The following ALMS1 variants were observed in gnomAD, a reference collection of about 807,000 sequenced individuals.
ALMS1 encodes the protein centrosome-associated protein ALMS1.
Under a neutral mutation model 352.2 loss-of-function variants are expected in ALMS1, and 271 were observed. The observed-to-expected ratio is 0.77, with a 90% CI of 0.70 to 0.85. ALMS1 has a LOEUF of 0.85. Ranked by LOEUF, ALMS1 falls within the 40% of genes least tolerant of loss-of-function variation. ALMS1 has a pLI of 0.00. For missense variants in ALMS1, 5,445 were observed against 4,870.7 expected (o/e 1.12, Z -3.51); for synonymous variants, 1,865 against 1,761.2 (o/e 1.06, Z -1.48).
chr2:73,459,506 A>G (rs563590337), intron 9 of ALMS1: 30 of 152,246 alleles, frequency 2.0e-4, no homozygotes, highest in Admixed American at 7.2e-4. Flanking sequence ...TCAACATTTC[A>G]TTGGAGTTCT....
At chr2:73,582,425 C>T (rs761647736) in intron 16 of ALMS1, among the ~76,000 whole-genome samples, 1 of 152,154 alleles carries the variant, frequency 6.6e-6, no homozygotes, top group Non-Finnish European at 1.5e-5. Context: ...CTTAAGTGTA[C>T]AAGTCAATAA....
chr2:73,519,897 A>G lies in ALMS1; in HGVS notation c.9662A>G (p.Asn3221Ser), dbSNP rs1673639492. The change falls in exon 11 of 23, where the codon AAT (asparagine) becomes AGT (serine). Residue 3221 changes from asparagine (N) to serine (S), a missense_variant. Transcript: ENST00000613296. The stretch of plus-strand genomic sequence containing the variant: ...CTATTTTCATCTGAGATTTTTATTA[A>G]TGCTGAAGATCGTGGACATGAAATT... ...KTLFSSEIFI[N>S]AEDRGHEIIE... The G allele has an allele frequency of 1.2e-6, 2 of 1,614,134 alleles. No individual in the cohort carries two copies. The highest frequency in any genetic ancestry group is 1.1e-5 in the South Asian group (1 of 91,084).
chr2:73,557,465 C>T lies in ALMS1; in HGVS notation c.10213+111C>T, dbSNP rs1159532967. 5 of 1,388,944 alleles carry T rather than the reference C, an allele frequency of 3.6e-6. No homozygotes were observed. The Admixed American group carries it at 9.3e-5, about 26-fold the overall frequency. The allele number at this position is 1,388,944 out of a possible 1,614,324, so 86.0% of individuals were successfully genotyped here. On this transcript the variant is annotated intron_variant, in intron 14 of 22. Transcript: ENST00000613296. ...TTCTCTATTTTCTTCTTGCTGTCTTCAGCTCTCTTCTATCTCATGTATATA... is the reference window on the plus strand; with the variant it reads ...TTCTCTATTTTCTTCTTGCTGTCTTTAGCTCTCTTCTATCTCATGTATATA...
In ALMS1 at chr2:73,403,792, A is replaced by G. The variant is rs186334871; in HGVS notation, c.325-4830A>G. ...TTTTATTTTGTTTTTTGATGCTATC[A>G]TAAGTGGGATGGTTTTCTTGATTTC... On this transcript the variant is annotated intron_variant, in intron 1 of 22. Transcript: ENST00000613296. Among the ~76,000 whole-genome samples, 833 of 152,198 alleles carry G rather than the reference A, an allele frequency of 5.5e-3. 5 individuals carry two copies. The highest frequency in any genetic ancestry group is 7.8e-3 in the Non-Finnish European group (530 of 68,006).
chr2:73,550,524 T>C, intron 13 of ALMS1, 87 bp downstream of exon 13: 1 of 1,535,862 alleles, frequency 6.5e-7, no homozygotes, highest in Non-Finnish European at 8.9e-7. Context: ...ATCCTTTTTT[T>C]CTGTTTTGTT....
At chr2:73,468,411 A>C (rs910177339) in intron 9 of ALMS1, among the ~76,000 whole-genome samples, 1 of 152,032 alleles carries the variant, frequency 6.6e-6, no homozygotes, top group Non-Finnish European at 1.5e-5. Context: ...ATTTACCTCA[A>C]CTGTTTTTAA....
At chr2:73,418,137 C>T (rs1671214444) in intron 2 of ALMS1, among the ~76,000 whole-genome samples, 1 of 152,018 alleles carries the variant, frequency 6.6e-6, no homozygotes, top group Non-Finnish European at 1.5e-5. Context: ...TAAAAATTAG[C>T]TTATTTCTCA....
At chr2:73,474,832 A>G (rs2103851327) in intron 9 of ALMS1, among the ~76,000 whole-genome samples, 1 of 152,268 alleles carries the variant, frequency 6.6e-6, no homozygotes, top group Non-Finnish European at 1.5e-5. Flanking sequence ...TTGCCCATTT[A>G]AAGTGTATAG....
At chr2:73,523,951 G>A (rs749719753) in intron 11 of ALMS1, among the ~76,000 whole-genome samples, 10 of 152,078 alleles carry the variant, frequency 6.6e-5, no homozygotes, top group Non-Finnish European at 1.2e-4. Context: ...AAAGATAAAC[G>A]GAAGGAGCTG....
chr2:73,550,702 A>G (rs980172288), intron 13 of ALMS1, among the ~76,000 whole-genome samples: 1 of 152,214 alleles, frequency 6.6e-6, no homozygotes, highest in Non-Finnish European at 1.5e-5. Context: ...ATGAAATAAT[A>G]CCCAATCAAG....
chr2:73,510,162 CAT>C (rs1393235815), intron 10 of ALMS1, among the ~76,000 whole-genome samples: 2 of 152,172 alleles, frequency 1.3e-5, no homozygotes, highest in Admixed American at 1.3e-4. Flanking sequence ...TGGGTTAGAA[CAT>C]GTTCCTTTAG....
intron 9 of ALMS1, among the ~76,000 whole-genome samples, chr2:73,468,979 T>C (rs1672413217): frequency 6.6e-6 from 1 of 151,878 alleles, no homozygotes. Flanking sequence ...GGAAACTCTC[T>C]TAGATTGCTT....
chr2:73,424,563 C>T lies in ALMS1; in HGVS notation c.898C>T (p.Leu300Phe). The change falls in exon 5 of 23, where the codon CTT becomes TTT. Residue 300 changes from leucine (L) to phenylalanine (F), a missense_variant. Coordinates refer to ENST00000613296, the MANE Select transcript of ALMS1 (RefSeq NM_001378454.1). ...SSRFSVSQHPLIGSTAVGSQC... is the reference protein window; with the variant it reads ...SSRFSVSQHPFIGSTAVGSQC... ...TCGCTTTAGTGTATCTCAGCACCCG[C>T]TTATAGGCAGCACAGCTGTTGGGTC... 15 of 1,613,980 alleles carry T rather than the reference C, an allele frequency of 9.3e-6. No individual in the cohort carries two copies. Among genetic ancestry groups the T allele is most frequent in the Non-Finnish European group, 1.3e-5 (15 of 1,179,984 alleles).
Position 73,491,039 on chromosome 2 carries a change from A to G in ALMS1, c.9080A>G (p.His3027Arg), listed in dbSNP as rs1308867880. ...GTGGTCTCCCAGTCAGCCCCAAATC[A>G]CTGTACATTAGCAGCATCTGCATCT... The part of the protein sequence containing the change: ...NTVVSQSAPN[H>R]CTLAASASTP... Residue 3027 changes from histidine (H) to arginine (R), a missense_variant, in exon 10 of 23, where the codon CAC becomes CGC. His to Arg is a conservative substitution (Grantham distance 29, BLOSUM62 0). Transcript: ENST00000613296. 6.2e-7 allele frequency: 1 copy of G among 1,614,194 alleles called. No individual in the cohort carries two copies. Among genetic ancestry groups the G allele is most frequent in the Admixed American group, 1.7e-5 (1 of 60,032 alleles).
intron 16 of ALMS1, among the ~76,000 whole-genome samples, chr2:73,585,975 A>T (rs1168214317): frequency 1.3e-5 from 2 of 151,836 alleles, no homozygotes; most frequent in Non-Finnish European, 2.9e-5. Flanking sequence ...GGCCAGGCTG[A>T]TCTTGAACTC....
chr2:73,413,488 G>T (rs989518578), intron 2 of ALMS1, among the ~76,000 whole-genome samples: 1 of 152,062 alleles, frequency 6.6e-6, no homozygotes, highest in African/African-American at 2.4e-5. Flanking sequence ...CATAGTGGGG[G>T]TCTGTCCTGT....
At chr2:73,505,944 A>G (rs13400985) in intron 10 of ALMS1, among the ~76,000 whole-genome samples, 45,986 of 152,024 alleles carry the variant, frequency 0.3, 8,544 homozygotes, top group African/African-American at 0.53. Context: ...TTAAGTCTTT[A>G]ATCCATCTTG....
At chr2:73,539,417 G>A (rs1411460061) in intron 12 of ALMS1, among the ~76,000 whole-genome samples, 1 of 152,126 alleles carries the variant, frequency 6.6e-6, no homozygotes, top group African/African-American at 2.4e-5. Context: ...AAACCACAGA[G>A]ATGGGGAAAA....
At chr2:73,386,299 C>A in intron 1 of ALMS1, 107 bp downstream of exon 1, 1 of 1,391,502 alleles carries the variant, frequency 7.2e-7, no homozygotes, top group Non-Finnish European at 9.4e-7. Flanking sequence ...GGAGAAAACG[C>A]GCGCAGCTGA....
Sources: gnomAD v4.1 joint callset for allele counts (sites outside exome capture counted in the v4.1 genomes callset) on GRCh38, gnomAD v4.1.1 for gene constraint, MANE v1.5 for transcripts, NCBI Gene and HGNC (gene_info 2026-07-23, HGNC 2026-07-21) for gene names.